Variants in ZNF521 observed in about 807,000 individuals in gnomAD.
ZNF521 encodes the protein zinc finger protein 521.
Under a neutral mutation model 105.5 loss-of-function variants are expected in ZNF521, and 14 were observed. That is an observed-to-expected ratio of 0.13 (90% CI 0.09 to 0.21). The LOEUF is 0.21. ZNF521 is among the 10% of genes least tolerant of loss of function. The pLI, the probability that ZNF521 is intolerant of heterozygous loss-of-function variation, is 1.00. For synonymous variants in ZNF521, 635 were observed against 606.0 expected (o/e 1.05, Z -0.70); for missense variants, 1,233 against 1,629.7 (o/e 0.76, Z 4.19).
At chr18:25,274,935 T>G (rs1454308594) in intron 3 of ZNF521, among the ~76,000 whole-genome samples, 1 of 152,078 alleles carries the variant, frequency 6.6e-6, no homozygotes, top group Admixed American at 6.6e-5. Flanking sequence ...ACTGTTCAAC[T>G]AAGCAGCAGA....
chr18:25,322,021 T>C lies in ZNF521; in HGVS notation c.207A>G (p.Gln69=), dbSNP rs1912956317. Residue 69 remains glutamine, a synonymous_variant, in exon 3 of 8, where the codon CAA becomes CAG. Coordinates refer to ENST00000361524, the MANE Select transcript of ZNF521 (RefSeq NM_015461.3). ...AGTATTGTTTACCTGTCAGTTGACA[T>C]TGATTAATCTTGTGTTCTGTGATAT... is the stretch of plus-strand genomic sequence containing the variant. The part of the protein sequence containing the change: ...LSDITEHKIN[Q]CQLTDGVDVE... 4 of 1,613,992 alleles carry C rather than the reference T, an allele frequency of 2.5e-6. No individual in the cohort carries two copies. The highest frequency in any genetic ancestry group is 4.5e-5 in the East Asian group (2 of 44,874).
rs1905662207 is a variant in ZNF521 at position 25,220,702 on chromosome 18, CTG to C, written c.3573+3641_3573+3642del. ...TGCTGGCAAGAGCAATTTCAAAGGA[CTG>C]GTGAGGACAGTGTGAATTGAAATGT... On this transcript the variant is annotated intron_variant, in intron 4 of 7. Transcript: ENST00000361524. Among the ~76,000 whole-genome samples, 2 of 152,140 alleles carry C rather than the reference CTG, an allele frequency of 1.3e-5. 1 individual carries two copies. The highest frequency in any genetic ancestry group is 4.2e-4 in the South Asian group (2 of 4,818).
In ZNF521 at chr18:25,089,440, CCA is replaced by C. The variant is rs776540373; in HGVS notation, c.3906+23_3906+24del. On this transcript the variant is annotated intron_variant, in intron 7 of 7. Coordinates refer to ENST00000361524, the MANE Select transcript of ZNF521 (RefSeq NM_015461.3). Reference sequence around the variant, plus strand: ...ATAAGAATAGCAACTGAGTTCAATCCCAGTCCTCCCCATGAGGACATTACCTG... The same window carrying C: ...ATAAGAATAGCAACTGAGTTCAATCCGTCCTCCCCATGAGGACATTACCTG... The C allele has an allele frequency of 9.7e-6, 15 of 1,540,168 alleles. 1 individual carries two copies. In the South Asian group the frequency reaches 1.7e-4, roughly 17 times the overall value.
chr18:25,213,342 G>C (rs1282098891), intron 4 of ZNF521, among the ~76,000 whole-genome samples: 1 of 151,262 alleles, frequency 6.6e-6, no homozygotes, highest in Non-Finnish European at 1.5e-5. Flanking sequence ...TCTTAGTTTA[G>C]TGTTCTTTTT....
At position 25,224,546 on chromosome 18, in the gene ZNF521, C is replaced by G; in HGVS notation, c.3372G>C (p.Leu1124=). 1 of 1,614,066 alleles carries G rather than the reference C, an allele frequency of 6.2e-7. No individual in the cohort carries two copies. Among genetic ancestry groups the G allele is most frequent in the South Asian group, 1.1e-5 (1 of 91,064 alleles). The change falls in exon 4 of 8, where the codon CTG becomes CTC. Residue 1124 remains leucine, a synonymous_variant. Coordinates refer to ENST00000361524, the MANE Select transcript of ZNF521 (RefSeq NM_015461.3). ...NRPGLGQNEN[L]SAIEGKGKVG... ...CCTTGCCTTTCCCCTCAATGGCACT[C>G]AGATTCTCATTCTGGCCCAAGCCTG...
intron 2 of ZNF521, among the ~76,000 whole-genome samples, chr18:25,336,654 G>C (rs1598486686): frequency 6.6e-6 from 1 of 152,282 alleles, no homozygotes; most frequent in East Asian, 1.9e-4. Flanking sequence ...CCAGGGTGAA[G>C]GTACCTGTCG....
intron 3 of ZNF521, among the ~76,000 whole-genome samples, chr18:25,252,625 G>C (rs1908196567): frequency 6.6e-6 from 1 of 151,774 alleles, no homozygotes; most frequent in Admixed American, 6.6e-5. Flanking sequence ...TTAACACAAG[G>C]TATTTTCCCT....
At position 25,284,952 on chromosome 18, in the gene ZNF521, T is replaced by C. The variant is rs574383383; in HGVS notation, c.220+37056A>G. On this transcript the variant is annotated intron_variant, in intron 3 of 7. Coordinates refer to ENST00000361524, the MANE Select transcript of ZNF521 (RefSeq NM_015461.3). ...CACACACAGGGAGGCATCAGGCATC[T>C]GACTATTTCAAAAGCCACATCTAAA... Among the ~76,000 whole-genome samples, 22 of 151,826 alleles carry C rather than the reference T, an allele frequency of 1.4e-4. No homozygotes were observed. In the East Asian group the frequency reaches 4.3e-3, roughly 30 times the overall value.
chr18:25,283,917 T>G (rs1910529072), intron 3 of ZNF521, among the ~76,000 whole-genome samples: 3 of 132,226 alleles, frequency 2.3e-5, no homozygotes, highest in Admixed American at 7.6e-5. Context: ...AACAAGCCAA[T>G]ACTTTCCCCC....
intron 5 of ZNF521, among the ~76,000 whole-genome samples, chr18:25,144,568 G>T (rs1326845108): frequency 6.6e-6 from 1 of 152,036 alleles, no homozygotes; most frequent in Non-Finnish European, 1.5e-5. Flanking sequence ...GCTAAATCAA[G>T]ATGCTAACTG....
chr18:25,188,184 G>A lies in ZNF521; in HGVS notation c.3658+6976C>T, dbSNP rs367840674. Among the ~76,000 whole-genome samples the A allele has an allele frequency of 1.0e-3, 159 of 152,192 alleles. 2 individuals are homozygous for A. The highest frequency in any genetic ancestry group is 3.6e-3 in the African/African-American group (150 of 41,524). On this transcript the variant is annotated intron_variant, in intron 5 of 7. Transcript: ENST00000361524. ...TGTACCCCTCCAACTGAGGCCTACC[G>A]GGCCACAGGCGCCATCCTGAGAGCT...
intron 3 of ZNF521, among the ~76,000 whole-genome samples, chr18:25,232,040 TATC>T (rs1198413579): frequency 6.6e-6 from 1 of 152,232 alleles, no homozygotes; most frequent in African/African-American, 2.4e-5. Context: ...GGGGACTCAG[TATC>T]ATGTGTGCTA....
intron 5 of ZNF521, among the ~76,000 whole-genome samples, chr18:25,115,314 C>T (rs978118981): frequency 6.6e-6 from 1 of 152,212 alleles, no homozygotes; most frequent in Non-Finnish European, 1.5e-5. Context: ...TGGCAGACTT[C>T]ATTTAGGCTC....
At position 25,302,289 on chromosome 18, in the gene ZNF521, A is replaced by G. The variant is rs1911692591; in HGVS notation, c.220+19719T>C. On this transcript the variant is annotated intron_variant, in intron 3 of 7. Coordinates refer to ENST00000361524, the MANE Select transcript of ZNF521 (RefSeq NM_015461.3). ...TGAGGCATACGACATGCACACCAGT[A>G]AAGAAGCAGGCAGGTCACACAACAG... The G allele has an allele frequency of 3.9e-5, 6 of 152,232 alleles. No individual in the cohort carries two copies. The South Asian group carries it at 1.2e-3, about 32-fold the overall frequency. 9.4% of individuals were successfully genotyped at this position (152,232 alleles called of 1,614,324 possible). A position where few individuals can be genotyped will look rare whatever the true frequency, so the allele number is the denominator to read the frequency against.
intron 4 of ZNF521, among the ~76,000 whole-genome samples, chr18:25,207,508 G>T (rs927736217): frequency 6.6e-6 from 1 of 152,090 alleles, no homozygotes; most frequent in African/African-American, 2.4e-5. Context: ...CACTTTCAGC[G>T]CATAGAATGT....
chr18:25,285,230 C>T (rs999291354), intron 3 of ZNF521, among the ~76,000 whole-genome samples: 2 of 152,118 alleles, frequency 1.3e-5, no homozygotes, highest in East Asian at 1.9e-4. Context: ...TAGTAAAGAC[C>T]GCTTGGGGAC....
chr18:25,247,922 T>C (rs1356181523), intron 3 of ZNF521, among the ~76,000 whole-genome samples: 6 of 152,188 alleles, frequency 3.9e-5, no homozygotes, highest in Non-Finnish European at 7.3e-5. Context: ...CAGTGACTAA[T>C]TATATATGAT....
At chr18:25,210,263 A>G (rs1266160900) in intron 4 of ZNF521, among the ~76,000 whole-genome samples, 1 of 152,152 alleles carries the variant, frequency 6.6e-6, no homozygotes, top group African/African-American at 2.4e-5. Flanking sequence ...AGGAAACTGA[A>G]GCTTAGGAAG....
intron 5 of ZNF521, among the ~76,000 whole-genome samples, chr18:25,107,457 G>A (rs2034096508): frequency 6.6e-6 from 1 of 152,068 alleles, no homozygotes; most frequent in Non-Finnish European, 1.5e-5. Flanking sequence ...GATCTATACT[G>A]GAAGACTTTC....
Sources: allele counts gnomAD v4.1 joint callset (sites outside exome capture counted in the v4.1 genomes callset), GRCh38; gene constraint gnomAD v4.1.1; transcripts MANE v1.5; gene names NCBI Gene and HGNC (gene_info 2026-07-23, HGNC 2026-07-21).